CREBBP: variants seen among roughly 807,000 people sequenced by gnomAD.
CREBBP encodes the protein CREB binding lysine acetyltransferase.
In CREBBP, 19 loss-of-function variants were observed where a neutral mutation model predicts 265.0. The ratio of observed to expected loss-of-function variants is 0.07; its 90% CI spans 0.05 to 0.11. The LOEUF is 0.11. Ranked by LOEUF, CREBBP falls within the 10% of genes least tolerant of loss-of-function variation. The probability of loss-of-function intolerance (pLI) is 1.00; values close to 1 mark genes in which losing one functional copy is unlikely to be tolerated. For synonymous variants in CREBBP, 1,457 were observed against 1,223.7 expected (o/e 1.19, Z -3.98); for missense variants, 2,525 against 3,219.0 (o/e 0.78, Z 5.22).
At position 3,781,211 on chromosome 16, in the gene CREBBP, C is replaced by T. The variant is rs2053266251; in HGVS notation, c.1669G>A (p.Ala557Thr). The T allele has an allele frequency of 1.2e-6, 2 of 1,613,266 alleles. No homozygotes were observed. The highest frequency in any genetic ancestry group is 1.7e-6 in the Non-Finnish European group (2 of 1,179,430). The change falls in exon 7 of 31, where the codon GCC becomes ACC. Residue 557 changes from alanine (A) to threonine (T), a missense_variant. By Grantham distance (58) the Ala-to-Thr change is moderately conservative. Around this residue, in one of 19 missense-constraint regions of CREBBP, gnomAD observed 144 missense variants for 134.0 expected, o/e 1.07. Coordinates refer to ENST00000262367, the MANE Select transcript of CREBBP (RefSeq NM_004380.3). ...TCTGAAACAGGGTCTTACTTTGTGGCCCCCAGGGAAGTCGGAAGAGCTGAT... is the reference window on the plus strand; with the variant it reads ...TCTGAAACAGGGTCTTACTTTGTGGTCCCCAGGGAAGTCGGAAGAGCTGAT... ...SESALPTSLG[A>T]TNPLMNDGSN...
At chr16:3,829,955 A>G (rs562606631) in intron 2 of CREBBP, among the ~76,000 whole-genome samples, 102 of 152,344 alleles carry the variant, frequency 6.7e-4, no homozygotes, top group African/African-American at 2.4e-3. Context: ...AGCAAACAGA[A>G]AACAAATAAG....
rs757841480 is a variant in CREBBP at position 3,731,468 on chromosome 16, G to A, written c.4896C>T (p.Phe1632=). The stretch of plus-strand genomic sequence containing the variant: ...GCCCAGCGTGCAGGTGGATCACGAA[G>A]AAGACCTGCAGGAGAGGAGGGGCTT... The part of the protein sequence containing the change: ...YATMEKHKEV[F]FVIHLHAGPV... Residue 1632 remains phenylalanine, a synonymous_variant, in exon 30 of 31, where the codon TTC becomes TTT. Transcript: ENST00000262367. The surrounding 1 kb of genome is among the most constrained non-coding windows in gnomAD (Gnocchi z 7.7). The A allele has an allele frequency of 7.6e-6, 12 of 1,586,088 alleles. No homozygotes were observed. The highest frequency in any genetic ancestry group is 1.1e-5 in the South Asian group (1 of 87,558).
chr16:3,739,792 C>G (rs962795492), intron 24 of CREBBP, 68 bp from the exon 25 acceptor site: 2 of 1,608,532 alleles, frequency 1.2e-6, no homozygotes, highest in Non-Finnish European at 8.5e-7. Flanking sequence ...GCACACCAGG[C>G]CTGCTCCTCT....
At chr16:3,781,133 G>GA (rs2053264489) in intron 7 of CREBBP, 71 bp downstream of exon 7, 8 of 1,387,310 alleles carry the variant, frequency 5.8e-6, no homozygotes, top group Non-Finnish European at 8.2e-6. Flanking sequence ...CATTTAGAAA[G>GA]AATCAGTTTT....
rs78627889 is a variant in CREBBP at position 3,810,303 on chromosome 16, G to A, written c.975+300C>T. On this transcript the variant is annotated intron_variant, in intron 3 of 30. Coordinates refer to ENST00000262367, the MANE Select transcript of CREBBP (RefSeq NM_004380.3). ...AACAGGAAGTGTAAGAAAAGCCAGT[G>A]TCTCTGGTTCTCATGATTCTGGAGA... is the stretch of plus-strand genomic sequence containing the variant. 6.7e-3 allele frequency among the ~76,000 whole-genome samples: 1,025 copies of A among 152,326 alleles called. 11 individuals are homozygous for A. Among genetic ancestry groups the A allele is most frequent in the Middle Eastern group, 0.017 (5 of 294 alleles).
intron 2 of CREBBP, among the ~76,000 whole-genome samples, chr16:3,850,091 A>T (rs1291777559): frequency 6.6e-6 from 1 of 152,092 alleles, no homozygotes; most frequent in African/African-American, 2.4e-5. Context: ...AAGCTGTCCT[A>T]CTTCTTTAAG....
At chr16:3,743,256 G>C (rs1483326412) in intron 23 of CREBBP, 1 of 152,242 alleles carries the variant, frequency 6.6e-6, no homozygotes, top group East Asian at 1.9e-4. Context: ...AAAACAGAGG[G>C]TTACCTGGCC....
chr16:3,742,775 A>G (rs987438836), intron 23 of CREBBP: 2 of 151,980 alleles, frequency 1.3e-5, no homozygotes, highest in African/African-American at 2.4e-5. Context: ...GCTCACACTG[A>G]GAGTAGAGCT....
intron 2 of CREBBP, among the ~76,000 whole-genome samples, chr16:3,814,285 C>T (rs1206759852): frequency 1.4e-5 from 2 of 147,094 alleles, no homozygotes; most frequent in African/African-American, 2.5e-5. Flanking sequence ...GACAGAGTCT[C>T]GTTCTGTTGC....
intron 2 of CREBBP, among the ~76,000 whole-genome samples, chr16:3,821,235 G>A (rs1051361004): frequency 6.6e-6 from 1 of 152,184 alleles, no homozygotes; most frequent in African/African-American, 2.4e-5. Context: ...ATCAGTGCTT[G>A]ATTCACATAA....
At chr16:3,785,480 C>T (rs2053364313) in intron 5 of CREBBP, among the ~76,000 whole-genome samples, 1 of 152,246 alleles carries the variant, frequency 6.6e-6, no homozygotes, top group Admixed American at 6.5e-5. Context: ...GTTCCCTGTG[C>T]ATCCCTGAAA....
rs2141215402 is a variant in CREBBP at position 3,773,817 on chromosome 16, G to A, written c.2397C>T (p.Phe799=). 2 of 1,613,200 alleles carry A rather than the reference G, an allele frequency of 1.2e-6. No individual in the cohort carries two copies. Among genetic ancestry groups the A allele is most frequent in the Non-Finnish European group, 1.7e-6 (2 of 1,180,024 alleles). ...CACTCATCGCCCCGCTGGATGACGG[G>A]AACTGGTTCTGTGGCAGAAACTGGC... The part of the protein sequence containing the change: ...AQSQFLPQNQ[F]PSSSGAMSVG... Residue 799 remains phenylalanine, a synonymous_variant, in exon 13 of 31, where the codon TTC becomes TTT. Transcript: ENST00000262367.
chr16:3,808,648 C>T (rs2053878875), intron 3 of CREBBP, among the ~76,000 whole-genome samples: 2 of 152,194 alleles, frequency 1.3e-5, no homozygotes, highest in African/African-American at 4.8e-5. Context: ...AGCACAGATT[C>T]TGTCACTAAG....
At chr16:3,873,127 T>C (rs2055334429) in intron 1 of CREBBP, among the ~76,000 whole-genome samples, 1 of 152,232 alleles carries the variant, frequency 6.6e-6, no homozygotes, top group African/African-American at 2.4e-5. Context: ...TGTACACTGC[T>C]AATGCTTAAC....
At chr16:3,839,770 A>G (rs2054530020) in intron 2 of CREBBP, among the ~76,000 whole-genome samples, 2 of 149,456 alleles carry the variant, frequency 1.3e-5, no homozygotes, top group Admixed American at 1.3e-4. Context: ...AGGAAAGGGA[A>G]GGAAGGGAAG....
chr16:3,819,835 T>C (rs559233934), intron 2 of CREBBP, among the ~76,000 whole-genome samples: 85 of 152,244 alleles, frequency 5.6e-4, no homozygotes, highest in African/African-American at 2.0e-3. Flanking sequence ...AACCAAAACA[T>C]AGAAGAACTG....
At chr16:3,769,584 A>C (rs1010835385) in intron 14 of CREBBP, among the ~76,000 whole-genome samples, 1 of 152,258 alleles carries the variant, frequency 6.6e-6, no homozygotes, top group Non-Finnish European at 1.5e-5. Flanking sequence ...AGGAAACAGC[A>C]GAGCTTTTCA....
At chr16:3,826,832 T>C (rs2054246003) in intron 2 of CREBBP, among the ~76,000 whole-genome samples, 1 of 152,098 alleles carries the variant, frequency 6.6e-6, no homozygotes, top group Admixed American at 6.6e-5. Context: ...TTGATTAAAG[T>C]ATGGACTTCA....
In CREBBP at chr16:3,853,960, A is replaced by AC. The variant is rs1491241441; in HGVS notation, c.86-2952_86-2951insG. On this transcript the variant is annotated intron_variant, in intron 1 of 30. Transcript: ENST00000262367. ...CTCAAAAACAAACAAACAAACAAACAAACACACACACACACACACACACGA... is the reference window on the plus strand; with the variant it reads ...CTCAAAAACAAACAAACAAACAAACACAACACACACACACACACACACACGA... Among the ~76,000 whole-genome samples the AC allele has an allele frequency of 1.2e-3, 178 of 147,162 alleles. 1 individual carries two copies. Among genetic ancestry groups the AC allele is most frequent in the African/African-American group, 4.4e-3 (173 of 39,304 alleles).
Sources: allele counts gnomAD v4.1 joint callset (sites outside exome capture counted in the v4.1 genomes callset), GRCh38; gene constraint gnomAD v4.1.1; regional missense constraint gnomAD v4.1.1; non-coding constraint Gnocchi (gnomAD v3.1); transcripts MANE v1.5; gene names NCBI Gene and HGNC (gene_info 2026-07-23, HGNC 2026-07-21).